JADE1: variants seen among roughly 807,000 people sequenced by gnomAD.
The protein encoded by JADE1 is protein Jade-1.
Under a neutral mutation model 81.8 loss-of-function variants are expected in JADE1, and 14 were observed. The observed-to-expected ratio is 0.17, with a 90% confidence interval of 0.11 to 0.27. The LOEUF (loss-of-function observed/expected upper bound fraction) is 0.27. Among genes scored for constraint, JADE1 ranks in the 10% least tolerant of loss-of-function variants. JADE1 has a pLI of 1.00. For missense variants in JADE1, 690 were observed against 1,047.9 expected (o/e 0.66, Z 4.71); for synonymous variants, 353 against 391.9 (o/e 0.90, Z 1.17).
At position 128,872,537 on chromosome 4, in the gene JADE1, T is replaced by C. The variant is rs1291854570; in HGVS notation, c.*275T>C. Reference sequence around the variant, plus strand: ...ACTGAACACTAAAATAAAAATGAAATGTTTTAAAGAAGGCAAGGCTTAAAT... The same window carrying C: ...ACTGAACACTAAAATAAAAATGAAACGTTTTAAAGAAGGCAAGGCTTAAAT... On this transcript the variant is annotated 3_prime_UTR_variant, in exon 11 of 11. Coordinates refer to ENST00000226319, the MANE Select transcript of JADE1 (RefSeq NM_199320.4). 7 of 373,252 alleles carry C rather than the reference T, an allele frequency of 1.9e-5. No individual in the cohort carries two copies. The highest frequency in any genetic ancestry group is 3.4e-5 in the Non-Finnish European group (7 of 205,306). 23.1% of individuals were successfully genotyped at this position (373,252 alleles called of 1,614,324 possible). A position where few individuals can be genotyped will look rare whatever the true frequency, so the allele number is the denominator to read the frequency against.
chr4:128,854,201 A>G (rs1730605673), intron 6 of JADE1, among the ~76,000 whole-genome samples: 1 of 151,970 alleles, frequency 6.6e-6, no homozygotes, highest in Non-Finnish European at 1.5e-5. Context: ...CTCACGGTGG[A>G]CGTGTGGCAG....
intron 1 of JADE1, chr4:128,812,020 C>G (rs1726459613): frequency 6.6e-6 from 1 of 152,078 alleles, no homozygotes; most frequent in African/African-American, 2.4e-5. Context: ...GCGGCCGTTT[C>G]CAGCGGCGCA....
chr4:128,837,169 T>A (rs1257924097), intron 2 of JADE1, among the ~76,000 whole-genome samples: 1 of 152,182 alleles, frequency 6.6e-6, no homozygotes, highest in Non-Finnish European at 1.5e-5. Context: ...TCTCCCTGTT[T>A]CTGCACCTGA....
In JADE1 at chr4:128,850,872, A is replaced by G. The variant is rs184965884; in HGVS notation, c.485-1185A>G. On this transcript the variant is annotated intron_variant, in intron 5 of 10. Coordinates refer to ENST00000226319, the MANE Select transcript of JADE1 (RefSeq NM_199320.4). ...AATACATTGGCAAGATTAATTTTGT[A>G]ATTTTATAACATAAACGGAACGCAT... Among the ~76,000 whole-genome samples, 1,102 of 152,336 alleles carry G rather than the reference A, an allele frequency of 7.2e-3. 9 individuals are homozygous for G. Among genetic ancestry groups the G allele is most frequent in the African/African-American group, 0.025 (1,058 of 41,572 alleles).
chr4:128,859,493 ATGTGTATG>A lies in JADE1; in HGVS notation c.981+2048_981+2055del, dbSNP rs1308334269. ...CACATGAGTATGCATGTGAGTATGC[ATGTGTATG>A]TGTGTATGCGTGTGAGTATGCTTGT... On this transcript the variant is annotated intron_variant, in intron 8 of 10. Coordinates refer to ENST00000226319, the MANE Select transcript of JADE1 (RefSeq NM_199320.4). Among the ~76,000 whole-genome samples the A allele has an allele frequency of 4.6e-5, 7 of 151,656 alleles. 1 individual carries two copies. Among genetic ancestry groups the A allele is most frequent in the Admixed American group, 1.3e-4 (2 of 15,238 alleles).
intron 2 of JADE1, among the ~76,000 whole-genome samples, chr4:128,832,230 G>A (rs1560739409): frequency 6.6e-6 from 1 of 152,206 alleles, no homozygotes; most frequent in Admixed American, 6.5e-5. Context: ...TTAAGTACAG[G>A]TTCTTAATAG....
In JADE1 at chr4:128,873,475, T is replaced by C. The variant is rs1011794930; in HGVS notation, c.*1213T>C. ...CTAATTTGTAACTTGGACTTTCTAA[T>C]TGCAAATGGCAATAACTATTAAGTT... On this transcript the variant is annotated 3_prime_UTR_variant, in exon 11 of 11. Coordinates refer to ENST00000226319, the MANE Select transcript of JADE1 (RefSeq NM_199320.4). 6.6e-6 allele frequency: 1 copy of C among 152,608 alleles called. No individual in the cohort carries two copies. The highest frequency in any genetic ancestry group is 1.5e-5 in the Non-Finnish European group (1 of 68,050). 9.5% of individuals were successfully genotyped at this position (152,608 alleles called of 1,614,324 possible).
intron 5 of JADE1, among the ~76,000 whole-genome samples, chr4:128,851,419 G>A (rs766022246): frequency 6.6e-6 from 1 of 152,274 alleles, no homozygotes; most frequent in East Asian, 1.9e-4. Context: ...AGTCACTTAC[G>A]TGTTAGTTGT....
chr4:128,871,232 G>A lies in JADE1; in HGVS notation c.1622-123G>A. On this transcript the variant is annotated intron_variant, in intron 10 of 10. Transcript: ENST00000226319. This position sits in a 1 kb window ranked among gnomAD's most constrained non-coding sequence, Gnocchi z 4.1. ...ACCAAATTTGTACAAACTTGGTGGT[G>A]TAAGTGTTGTGTTGTTGGGTGGGGA... 1 of 927,762 alleles carries A rather than the reference G, an allele frequency of 1.1e-6. No individual in the cohort carries two copies. The highest frequency in any genetic ancestry group is 1.6e-6 in the Non-Finnish European group (1 of 613,084). The allele number at this position is 927,762 out of a possible 1,614,324, so 57.5% of individuals were successfully genotyped here.
At chr4:128,838,977 G>T (rs544692487) in intron 2 of JADE1, among the ~76,000 whole-genome samples, 1 of 152,078 alleles carries the variant, frequency 6.6e-6, no homozygotes, top group African/African-American at 2.4e-5. Context: ...GAGCTCAAAC[G>T]CATGTCTTCT....
In JADE1 at chr4:128,862,386, A is replaced by G. The variant is rs576791403; in HGVS notation, c.1503+161A>G. The G allele has an allele frequency of 5.5e-6, 8 of 1,444,302 alleles. No homozygotes were observed. In the South Asian group the frequency reaches 1.2e-4, roughly 22 times the overall value. 89.5% of individuals were successfully genotyped at this position (1,444,302 alleles called of 1,614,324 possible). A position where few individuals can be genotyped will look rare whatever the true frequency, so the allele number is the denominator to read the frequency against. ...GGTTAAAAATATTTATGGGCTGGTA[A>G]ACTCATTGTACATATGTGCAAAACT... On this transcript the variant is annotated intron_variant, in intron 9 of 10. Transcript: ENST00000226319.
At chr4:128,827,688 G>A (rs1485275637) in intron 1 of JADE1, among the ~76,000 whole-genome samples, 1 of 152,154 alleles carries the variant, frequency 6.6e-6, no homozygotes, top group African/African-American at 2.4e-5. Context: ...TAGTTAATTT[G>A]TTGTTTTAAT....
chr4:128,832,930 C>T (rs1174898842), intron 2 of JADE1, among the ~76,000 whole-genome samples: 1 of 152,178 alleles, frequency 6.6e-6, no homozygotes, highest in Non-Finnish European at 1.5e-5. Context: ...GTGCTTGGCA[C>T]AGGCACAGGC....
intron 1 of JADE1, among the ~76,000 whole-genome samples, chr4:128,829,091 T>C (rs964429423): frequency 5.9e-5 from 9 of 152,178 alleles, no homozygotes; most frequent in African/African-American, 2.2e-4. Flanking sequence ...TCTAGAAGGT[T>C]GGAGAGCTTA....
chr4:128,824,582 A>G (rs1336337792), intron 1 of JADE1, among the ~76,000 whole-genome samples: 1 of 152,198 alleles, frequency 6.6e-6, no homozygotes. Flanking sequence ...ATACAGGAGA[A>G]GTTATTCCAG....
chr4:128,836,767 C>T (rs1283201100), intron 2 of JADE1, among the ~76,000 whole-genome samples: 2 of 140,912 alleles, frequency 1.4e-5, no homozygotes, highest in African/African-American at 5.2e-5. Flanking sequence ...GATGGAGCCT[C>T]GCTTTGTTGC....
intron 8 of JADE1, among the ~76,000 whole-genome samples, chr4:128,861,159 A>T (rs776614947): frequency 1.1e-4 from 17 of 152,326 alleles, no homozygotes; most frequent in Non-Finnish European, 2.1e-4. Context: ...AAAGAGCTCA[A>T]ATCTGTAAGA....
intron 8 of JADE1, among the ~76,000 whole-genome samples, chr4:128,861,052 G>C (rs542736255): frequency 1.3e-5 from 2 of 152,088 alleles, no homozygotes; most frequent in Admixed American, 6.5e-5. Flanking sequence ...TTTCTCACTC[G>C]TGTTGGGACT....
chr4:128,861,961 G>A lies in JADE1; in HGVS notation c.1239G>A (p.Val413=), dbSNP rs1731377117. The change falls in exon 9 of 11, where the codon GTG becomes GTA. Residue 413 remains valine, a synonymous_variant. Transcript: ENST00000226319. ...LEQNREEAHR[V]SVRKQKLQQL... is the part of the protein sequence containing the mutation. ...AGAACCGGGAGGAGGCCCACCGGGTGAGTGTCCGTAAGCAGAAGCTGCAGC... is the reference window on the plus strand; with the variant it reads ...AGAACCGGGAGGAGGCCCACCGGGTAAGTGTCCGTAAGCAGAAGCTGCAGC... The A allele has an allele frequency of 6.2e-7, 1 of 1,614,178 alleles. No individual in the cohort carries two copies. The highest frequency in any genetic ancestry group is 8.5e-7 in the Non-Finnish European group (1 of 1,180,022).
Sources: gnomAD v4.1 joint callset for allele counts (sites outside exome capture counted in the v4.1 genomes callset) on GRCh38, gnomAD v4.1.1 for gene constraint, Gnocchi (gnomAD v3.1) non-coding constraint, MANE v1.5 for transcripts, NCBI Gene and HGNC (gene_info 2026-07-23, HGNC 2026-07-21) for gene names.